The following WDR70 variants were observed in gnomAD, a reference collection of about 807,000 sequenced individuals.
WDR70 encodes WD repeat-containing protein 70.
WDR70 carries 53 observed loss-of-function variants against 88.6 expected under a neutral mutation model. The observed-to-expected ratio is 0.60, with a 90% CI of 0.48 to 0.75. The LOEUF is 0.75. WDR70 is among the 30% of genes least tolerant of loss of function. The pLI is 0.00. For missense variants in WDR70, 610 were observed against 823.2 expected, an observed-to-expected ratio of 0.74 and a Z score of 3.17; for synonymous variants, 280 against 270.0, an observed-to-expected ratio of 1.04 and a Z score of -0.36.
At chr5:37,392,684 G>A (rs765245043) in intron 4 of WDR70, among the ~76,000 whole-genome samples, 3 of 151,904 alleles carry the variant, frequency 2.0e-5, no homozygotes, top group South Asian at 2.1e-4. Flanking sequence ...TCGCTCTTTC[G>A]CCCAGGCTGG....
chr5:37,560,899 A>G (rs1213580498), intron 9 of WDR70, among the ~76,000 whole-genome samples: 1 of 149,174 alleles, frequency 6.7e-6, no homozygotes, highest in Non-Finnish European at 1.5e-5. Context: ...GCAGCCTTGA[A>G]CTCCTGGGTT....
intron 9 of WDR70, among the ~76,000 whole-genome samples, chr5:37,564,399 C>G (rs1007441029): frequency 1.3e-5 from 2 of 152,128 alleles, no homozygotes; most frequent in African/African-American, 4.8e-5. Context: ...TGGCGGCTTG[C>G]GCCTGCAATC....
At chr5:37,699,614 T>C (rs1467059330) in intron 11 of WDR70, among the ~76,000 whole-genome samples, 7 of 152,076 alleles carry the variant, frequency 4.6e-5, no homozygotes, top group Admixed American at 3.3e-4. Flanking sequence ...AATGTTTTCT[T>C]ATTGTTTGAA....
intron 5 of WDR70, among the ~76,000 whole-genome samples, chr5:37,400,521 C>T (rs6876447): frequency 0.096 from 14,549 of 152,076 alleles, 2,284 homozygotes; most frequent in African/African-American, 0.33. Flanking sequence ...CACCAGAAAG[C>T]GTGCACTAAC....
intron 5 of WDR70, among the ~76,000 whole-genome samples, chr5:37,429,876 A>G (rs1233362760): frequency 1.3e-5 from 2 of 152,204 alleles, no homozygotes; most frequent in Non-Finnish European, 2.9e-5. Flanking sequence ...GTAAATTTGT[A>G]CAGAACTGCC....
chr5:37,500,937 C>T (rs1278223211), intron 8 of WDR70, among the ~76,000 whole-genome samples: 3 of 152,022 alleles, frequency 2.0e-5, no homozygotes, highest in African/African-American at 7.2e-5. Context: ...CAAGGTTTAA[C>T]TATGTTGGCC....
intron 11 of WDR70, among the ~76,000 whole-genome samples, chr5:37,698,180 G>GT (rs1023288810): frequency 4.6e-5 from 7 of 151,478 alleles, no homozygotes; most frequent in African/African-American, 9.7e-5. Context: ...ACCCAATTTA[G>GT]TTTTTTTAAA....
intron 11 of WDR70, among the ~76,000 whole-genome samples, chr5:37,700,049 C>G (rs1747109424): frequency 6.6e-6 from 1 of 151,730 alleles, no homozygotes. Flanking sequence ...CCAGTACAAG[C>G]AGGTCCTGAG....
At chr5:37,616,533 C>G (rs541676925) in intron 10 of WDR70, among the ~76,000 whole-genome samples, 67 of 152,300 alleles carry the variant, frequency 4.4e-4, no homozygotes, top group Non-Finnish European at 6.2e-4. Flanking sequence ...CCCACAAGCC[C>G]CCCGCTGCTG....
intron 9 of WDR70, 125 bp from the exon 10 acceptor site, chr5:37,604,939 T>TA (rs1476326803): frequency 1.2e-6 from 1 of 821,686 alleles, no homozygotes; most frequent in Non-Finnish European, 1.8e-6. Context: ...TATTTTATTT[T>TA]AAAATAATTA....
chr5:37,484,427 C>G (rs926420364), intron 8 of WDR70, among the ~76,000 whole-genome samples: 1 of 152,188 alleles, frequency 6.6e-6, no homozygotes, highest in Non-Finnish European at 1.5e-5. Flanking sequence ...TGGCGGCGCG[C>G]GCCTGCAATC....
intron 10 of WDR70, among the ~76,000 whole-genome samples, chr5:37,662,718 C>T (rs978951320): frequency 6.6e-6 from 1 of 152,070 alleles, no homozygotes; most frequent in African/African-American, 2.4e-5. Context: ...TTTCTTCCAC[C>T]GTCTCTCTTA....
chr5:37,480,112 C>T (rs1739617588), intron 8 of WDR70, 125 bp downstream of exon 8: 1 of 1,210,902 alleles, frequency 8.3e-7, no homozygotes, highest in Non-Finnish European at 1.1e-6. Context: ...TTTATTTGTT[C>T]TCACAATCAT....
chr5:37,534,522 A>G (rs1053269961), intron 9 of WDR70, among the ~76,000 whole-genome samples: 3 of 140,096 alleles, frequency 2.1e-5, no homozygotes, highest in Non-Finnish European at 4.5e-5. Context: ...TTTGTGACAA[A>G]AGTCTTGCTC....
intron 8 of WDR70, among the ~76,000 whole-genome samples, chr5:37,510,982 T>C (rs1740705307): frequency 6.6e-6 from 1 of 152,228 alleles, no homozygotes; most frequent in South Asian, 2.1e-4. Context: ...TGTCCTTGCA[T>C]TGGTGATGTT....
chr5:37,565,390 C>T (rs559536246), intron 9 of WDR70, among the ~76,000 whole-genome samples: 1 of 152,168 alleles, frequency 6.6e-6, no homozygotes, highest in African/African-American at 2.4e-5. Context: ...TTTTTCTTCT[C>T]TTCTTTTTTG....
intron 10 of WDR70, among the ~76,000 whole-genome samples, chr5:37,683,797 G>A (rs916636970): frequency 1.3e-5 from 2 of 152,064 alleles, no homozygotes; most frequent in Admixed American, 6.6e-5. Flanking sequence ...TTCAACCTTG[G>A]AGAATCTGAT....
chr5:37,531,387 C>G (rs1741478529), intron 9 of WDR70, among the ~76,000 whole-genome samples: 1 of 152,048 alleles, frequency 6.6e-6, no homozygotes, highest in Non-Finnish European at 1.5e-5. Context: ...AAGTCCCCCT[C>G]TATTATTGTG....
chr5:37,523,943 A>C (rs1036549530), intron 9 of WDR70, among the ~76,000 whole-genome samples: 1 of 152,236 alleles, frequency 6.6e-6, no homozygotes, highest in Non-Finnish European at 1.5e-5. Context: ...AAGAGTAAAA[A>C]GAAATGAACA....
Sources: gnomAD v4.1 joint callset for allele counts (sites outside exome capture counted in the v4.1 genomes callset) on GRCh38, gnomAD v4.1.1 for gene constraint, MANE v1.5 for transcripts, NCBI Gene and HGNC (gene_info 2026-07-23, HGNC 2026-07-21) for gene names.